Variants in USP45 observed in about 807,000 individuals in gnomAD.
USP45 encodes ubiquitin specific peptidase 45, also known as ubiquitin carboxyl-terminal hydrolase 45.
A neutral mutation model predicts 95.8 loss-of-function variants in USP45; 89 were observed. The observed-to-expected ratio is 0.93, with a 90% CI of 0.78 to 1.11. USP45 has a LOEUF of 1.11. Ranked by LOEUF, USP45 falls within the 50% of genes least tolerant of loss-of-function variation. The pLI, the probability that USP45 is intolerant of heterozygous loss-of-function variation, is 0.00. For synonymous variants in USP45, 281 were observed against 316.2 expected (o/e 0.89, Z 1.18); for missense variants, 898 against 942.5 (o/e 0.95, Z 0.62).
intron 13 of USP45, among the ~76,000 whole-genome samples, chr6:99,449,179 T>A (rs1175426553): frequency 6.6e-6 from 1 of 152,140 alleles, no homozygotes; most frequent in East Asian, 1.9e-4. Flanking sequence ...ATATTAACCT[T>A]AAATGTACAT....
At chr6:99,466,816 A>C in intron 10 of USP45, 53 bp from the exon 11 acceptor site, 1 of 1,329,450 alleles carries the variant, frequency 7.5e-7, no homozygotes. Flanking sequence ...TCCATCTAGC[A>C]GTATAATAGG....
At chr6:99,502,921 GCTGA>G (rs1797706568) in intron 5 of USP45, among the ~76,000 whole-genome samples, 1 of 152,204 alleles carries the variant, frequency 6.6e-6, no homozygotes, top group African/African-American at 2.4e-5. Flanking sequence ...CTCCCCAGAA[GCTGA>G]GCTGATGACA....
chr6:99,458,787 G>A (rs1406035670), intron 13 of USP45, among the ~76,000 whole-genome samples: 1 of 152,204 alleles, frequency 6.6e-6, no homozygotes, highest in East Asian at 1.9e-4. Context: ...AAATTGAGCA[G>A]AGGCTACAGG....
rs150036740 is a variant in USP45, at chr6:99,461,113, A to G, written c.1308+3491T>C. 1.5e-3 allele frequency: 1,450 copies of G among 984,838 alleles called. 2 individuals carry two copies. Among genetic ancestry groups the G allele is most frequent in the Non-Finnish European group, 1.7e-3 (1,370 of 829,382 alleles). The allele number at this position is 984,838 out of a possible 1,614,324, so 61.0% of individuals were successfully genotyped here. ...TATTAAGGTTTTATGAAATAAAAAAAAAATCTTTCATAAAACTAATATACT... is the reference window on the plus strand; with the variant it reads ...TATTAAGGTTTTATGAAATAAAAAAGAAATCTTTCATAAAACTAATATACT... On this transcript the variant is annotated intron_variant, in intron 13 of 17. Coordinates refer to ENST00000500704, the MANE Select transcript of USP45 (RefSeq NM_001346022.3).
chr6:99,511,843 GTGTATATATATATATA>G lies in USP45; in HGVS notation c.-10-1629_-10-1614del, dbSNP rs1342172410. 2.4e-3 allele frequency among the ~76,000 whole-genome samples: 12 copies of G among 4,988 alleles called. No individual in the cohort carries two copies. In the East Asian group the frequency reaches 0.13, roughly 55 times the overall value. 3.3% of individuals were successfully genotyped at this position (4,988 alleles called of 152,430 possible). A position where few individuals can be genotyped will look rare whatever the true frequency, so the allele number is the denominator to read the frequency against. Reference sequence around the variant, plus strand: ...GAGACACATATATGTATGTGAGTGTGTGTATATATATATATATATATATATATATATATATATATAT... The same window carrying G: ...GAGACACATATATGTATGTGAGTGTGTATATATATATATATATATATATAT... On this transcript the variant is annotated intron_variant, in intron 1 of 17. Coordinates refer to ENST00000500704, the MANE Select transcript of USP45 (RefSeq NM_001346022.3).
rs778618642 is a variant in USP45, at chr6:99,468,566, G to C, written c.986C>G (p.Ala329Gly). 1 of 1,608,892 alleles carries C rather than the reference G, an allele frequency of 6.2e-7. No homozygotes were observed. The highest frequency in any genetic ancestry group is 1.1e-5 in the South Asian group (1 of 90,350). Residue 329 changes from alanine (A) to glycine (G), a missense_variant, in exon 10 of 18, where the codon GCT (alanine) becomes GGT (glycine). Physicochemically the swap from Ala to Gly is moderately conservative, Grantham distance 60. Coordinates refer to ENST00000500704, the MANE Select transcript of USP45 (RefSeq NM_001346022.3). ...KAFNNPTTKT[A>G]DDETRKKVKA... The stretch of plus-strand genomic sequence containing the variant: ...GACTTTTTTTCTAGTTTCATCATCA[G>C]CAGTTTTAGTAGTTGGGTTGTTAAA...
At chr6:99,474,491 T>C (rs1790310038) in intron 9 of USP45, among the ~76,000 whole-genome samples, 2 of 152,134 alleles carry the variant, frequency 1.3e-5, no homozygotes, top group African/African-American at 4.8e-5. Context: ...AGCCACCATA[T>C]CTGGCAGAAT....
chr6:99,478,244 T>A (rs1346093818), intron 8 of USP45, among the ~76,000 whole-genome samples: 10 of 110,624 alleles, frequency 9.0e-5, no homozygotes, highest in African/African-American at 2.6e-4. Flanking sequence ...TTTTTTTTTT[T>A]AACCTAGGAA....
At chr6:99,439,622 C>T in intron 16 of USP45, 147 bp downstream of exon 16, 1 of 483,704 alleles carries the variant, frequency 2.1e-6, no homozygotes, top group Non-Finnish European at 3.4e-6. Flanking sequence ...ATTAAGTGTT[C>T]CACATATTAC....
At chr6:99,498,774 A>G (rs573255172) in intron 5 of USP45, among the ~76,000 whole-genome samples, 7 of 152,314 alleles carry the variant, frequency 4.6e-5, no homozygotes, top group African/African-American at 1.7e-4. Flanking sequence ...ATGGCATGTG[A>G]TATCACAAAG....
At chr6:99,461,629 ATTAT>A in intron 13 of USP45, 2 of 983,826 alleles carry the variant, frequency 2.0e-6, no homozygotes, top group Non-Finnish European at 2.4e-6. Context: ...TTTTTATGTA[ATTAT>A]TTTTATCATT....
At position 99,433,172 on chromosome 6, in the gene USP45, A is replaced by G. The variant is rs567096406; in HGVS notation, c.*2544T>C. 1.3e-5 allele frequency: 2 copies of G among 151,868 alleles called. No individual in the cohort carries two copies. Among genetic ancestry groups the G allele is most frequent in the African/African-American group, 4.9e-5 (2 of 40,784 alleles). The allele number at this position is 151,868 out of a possible 1,614,324, so 9.4% of individuals were successfully genotyped here. A position where few individuals can be genotyped will look rare whatever the true frequency, so the allele number is the denominator to read the frequency against. ...ATTGATACCAACTATCACTCTTCTC[A>G]GCTACCTAAAAAGGTGGTCTTCACA... On this transcript the variant is annotated 3_prime_UTR_variant, in exon 18 of 18. Coordinates refer to ENST00000500704, the MANE Select transcript of USP45 (RefSeq NM_001346022.3).
At chr6:99,497,537 C>T (rs897441866) in intron 5 of USP45, among the ~76,000 whole-genome samples, 2 of 152,148 alleles carry the variant, frequency 1.3e-5, no homozygotes, top group African/African-American at 2.4e-5. Flanking sequence ...CTCTCAAAAT[C>T]GACTAACTTC....
intron 10 of USP45, chr6:99,468,188 AT>A (rs1562358060): frequency 2.2e-6 from 1 of 459,976 alleles, no homozygotes; most frequent in Non-Finnish European, 4.4e-6. Flanking sequence ...ATATCCATAA[AT>A]CCATTGATCC....
chr6:99,437,094 C>CTCAATCAATCAATCAA (rs112767733), intron 17 of USP45, 152 bp downstream of exon 17: 12 of 762,094 alleles, frequency 1.6e-5, no homozygotes, highest in South Asian at 3.8e-5. Flanking sequence ...GAGACTCTGT[C>CTCAATCAATCAATCAA]TCAATCAATC....
upstream of USP45, among the ~76,000 whole-genome samples, chr6:99,517,458 G>A (rs1562477199): frequency 1.3e-5 from 2 of 149,762 alleles, no homozygotes; most frequent in Admixed American, 6.6e-5. Flanking sequence ...TTTTTGAGAC[G>A]GATTCTCTCT....
In USP45 at chr6:99,445,840, A is replaced by G; in HGVS notation, c.1932T>C (p.Cys644=). Residue 644 remains cysteine (C), a synonymous_variant, in exon 14 of 18, where the codon TGT becomes TGC. Transcript: ENST00000500704. ...MGNNKLLCEN[C]TKNKQKYQEE... ...CTTGGTACTTCTGTTTGTTTTTAGT[A>G]CAATTCTCACATAGAAGCTTATTAT... The G allele has an allele frequency of 6.3e-7, 1 of 1,595,264 alleles. No homozygotes were observed. Among genetic ancestry groups the G allele is most frequent in the Non-Finnish European group, 8.5e-7 (1 of 1,175,000 alleles).
At chr6:99,462,275 A>G (rs1339007005) in intron 13 of USP45, 1 of 984,988 alleles carries the variant, frequency 1.0e-6, no homozygotes, top group Non-Finnish European at 1.2e-6. Context: ...TGGTGTCCAG[A>G]TCTTTGAGGT....
chr6:99,488,550 G>C, intron 6 of USP45, 131 bp downstream of exon 6: 1 of 1,034,856 alleles, frequency 9.7e-7, no homozygotes, highest in Non-Finnish European at 1.4e-6. Flanking sequence ...CCAAGATAGC[G>C]TAAACAAAAG....
Sources: allele counts gnomAD v4.1 joint callset (sites outside exome capture counted in the v4.1 genomes callset), GRCh38; gene constraint gnomAD v4.1.1; transcripts MANE v1.5; gene names NCBI Gene and HGNC (gene_info 2026-07-23, HGNC 2026-07-21).